The following IFT81 variants were observed in gnomAD, a reference collection of about 807,000 sequenced individuals.
IFT81 encodes intraflagellar transport 81, also known as intraflagellar transport protein 81 homolog.
Under a neutral mutation model 102.6 loss-of-function variants are expected in IFT81, and 72 were observed. The ratio of observed to expected loss-of-function variants is 0.70; its 90% CI spans 0.58 to 0.85. IFT81 has a LOEUF of 0.85. Ranked by LOEUF, IFT81 falls within the 40% of genes least tolerant of loss-of-function variation. IFT81 has a pLI of 0.00. For synonymous variants in IFT81, 237 were observed against 242.7 expected, an observed-to-expected ratio of 0.98 and a Z score of 0.22; for missense variants, 723 against 787.3, an observed-to-expected ratio of 0.92 and a Z score of 0.98.
chr12:110,133,383 G>A (rs1483812045), intron 5 of IFT81, among the ~76,000 whole-genome samples: 1 of 151,904 alleles, frequency 6.6e-6, no homozygotes, highest in East Asian at 1.9e-4. Flanking sequence ...AACACTTTGG[G>A]TGGCCGAGGC....
intron 11 of IFT81, 29 bp downstream of exon 11, chr12:110,163,094 G>A: frequency 6.3e-7 from 1 of 1,589,208 alleles, no homozygotes; most frequent in East Asian, 2.2e-5. Context: ...TGGGACAAGG[G>A]TATGAGTATT....
chr12:110,144,271 C>CA (rs1043485749), intron 9 of IFT81, among the ~76,000 whole-genome samples: 1 of 151,464 alleles, frequency 6.6e-6, no homozygotes, highest in Non-Finnish European at 1.5e-5. Context: ...GGCTGGAGTG[C>CA]AGTAGCGTGA....
chr12:110,137,176 C>G (rs1448099473), intron 8 of IFT81, among the ~76,000 whole-genome samples: 1 of 152,144 alleles, frequency 6.6e-6, no homozygotes, highest in African/African-American at 2.4e-5. Flanking sequence ...CCCATCTCTA[C>G]TAAACATACA....
chr12:110,157,699 C>T (rs963634551), intron 10 of IFT81, among the ~76,000 whole-genome samples: 1 of 152,194 alleles, frequency 6.6e-6, no homozygotes, highest in African/African-American at 2.4e-5. Context: ...CCCTTAGGCT[C>T]TGTTCACTTT....
intron 11 of IFT81, among the ~76,000 whole-genome samples, chr12:110,164,539 A>G (rs1455758582): frequency 1.3e-5 from 2 of 151,880 alleles, no homozygotes; most frequent in African/African-American, 4.8e-5. Context: ...TTTGGCTTTG[A>G]AAAGTTATTG....
chr12:110,217,563 G>T (rs1280580673), intron 18 of IFT81, among the ~76,000 whole-genome samples: 1 of 151,556 alleles, frequency 6.6e-6, no homozygotes, highest in Non-Finnish European at 1.5e-5. Flanking sequence ...GTTTGTTTTT[G>T]TTTTTTGTAT....
intron 8 of IFT81, among the ~76,000 whole-genome samples, chr12:110,141,096 C>T (rs1593290550): frequency 6.6e-6 from 1 of 152,056 alleles, no homozygotes; most frequent in South Asian, 2.1e-4. Context: ...ATGATCTTGG[C>T]TCACCGCAAC....
intron 8 of IFT81, among the ~76,000 whole-genome samples, chr12:110,138,325 C>T (rs1019893406): frequency 6.6e-6 from 1 of 151,978 alleles, no homozygotes; most frequent in African/African-American, 2.4e-5. Context: ...AAAAGGCTTA[C>T]AAAAGCTAAT....
chr12:110,161,609 ATTTT>A (rs1200318803), intron 10 of IFT81, among the ~76,000 whole-genome samples: 1 of 148,208 alleles, frequency 6.7e-6, no homozygotes. Context: ...ACACTCAGCT[ATTTT>A]TTTTTTATTA....
At chr12:110,134,158 G>C (rs571379814) in intron 5 of IFT81, among the ~76,000 whole-genome samples, 5 of 152,100 alleles carry the variant, frequency 3.3e-5, no homozygotes, top group Non-Finnish European at 7.4e-5. Flanking sequence ...TTGCCACCAC[G>C]CCTGGCTAGT....
chr12:110,164,854 G>A (rs912158417), intron 11 of IFT81, among the ~76,000 whole-genome samples: 2 of 152,100 alleles, frequency 1.3e-5, no homozygotes, highest in Admixed American at 6.5e-5. Flanking sequence ...TTATGCAGCA[G>A]TTTCGCTTTA....
chr12:110,218,389 G>T lies in IFT81; in HGVS notation c.*163G>T. Reference sequence around the variant, plus strand: ...AATAATGTTAAGGTAGATTTAGTTTGAATGTTTTTTCATATGAAAAAGAGG... The same window carrying T: ...AATAATGTTAAGGTAGATTTAGTTTTAATGTTTTTTCATATGAAAAAGAGG... On this transcript the variant is annotated 3_prime_UTR_variant, in exon 19 of 19. Coordinates refer to ENST00000242591, the MANE Select transcript of IFT81 (RefSeq NM_014055.4). 1 of 498,866 alleles carries T rather than the reference G, an allele frequency of 2.0e-6. No individual in the cohort carries two copies. Among genetic ancestry groups the T allele is most frequent in the Non-Finnish European group, 3.4e-6 (1 of 296,754 alleles). 30.9% of individuals were successfully genotyped at this position (498,866 alleles called of 1,614,324 possible). A position where few individuals can be genotyped will look rare whatever the true frequency, so the allele number is the denominator to read the frequency against.
intron 3 of IFT81, 23 bp from the exon 4 acceptor site, chr12:110,128,927 G>C (rs779460248): frequency 6.3e-7 from 1 of 1,596,306 alleles, no homozygotes; most frequent in Non-Finnish European, 8.6e-7. Flanking sequence ...GTGTGTGTTT[G>C]TGTATGTGTG....
At chr12:110,144,065 A>G (rs1375480722) in intron 9 of IFT81, among the ~76,000 whole-genome samples, 1 of 142,114 alleles carries the variant, frequency 7.0e-6, no homozygotes, top group South Asian at 2.2e-4. Flanking sequence ...GCTAGAGTAC[A>G]GTGGCACAAT....
At chr12:110,159,953 AC>A (rs1298334360) in intron 10 of IFT81, among the ~76,000 whole-genome samples, 1 of 152,218 alleles carries the variant, frequency 6.6e-6, no homozygotes, top group Non-Finnish European at 1.5e-5. Flanking sequence ...TCCAACAATT[AC>A]ACTGGTAGAA....
chr12:110,139,851 T>TAA (rs1566110383), intron 8 of IFT81, among the ~76,000 whole-genome samples: 16 of 119,054 alleles, frequency 1.3e-4, no homozygotes, highest in African/African-American at 6.4e-4. Context: ...ATAAAATAAA[T>TAA]AAAATAAAAT....
chr12:110,183,023 T>TA (rs1897373564), intron 12 of IFT81, among the ~76,000 whole-genome samples: 1 of 152,228 alleles, frequency 6.6e-6, no homozygotes, highest in African/African-American at 2.4e-5. Context: ...ACTGGGGCCT[T>TA]ACGTTTAAGA....
intron 12 of IFT81, among the ~76,000 whole-genome samples, chr12:110,183,787 G>C (rs1475026596): frequency 6.6e-6 from 1 of 152,160 alleles, no homozygotes; most frequent in Admixed American, 6.5e-5. Context: ...CTGCCCAGAG[G>C]ATACAGGATA....
rs1193945825 is a variant in IFT81, at chr12:110,209,946, CT to C, written c.1848+731del. Among the ~76,000 whole-genome samples, 3 of 152,106 alleles carry C rather than the reference CT, an allele frequency of 2.0e-5. No homozygotes were observed. The South Asian group carries it at 6.2e-4, about 32-fold the overall frequency. ...CTTGCTTGAGATGCTCAGCTCCCTC[CT>C]GCCAGAGTTATCTGATGGCAACTGA... On this transcript the variant is annotated intron_variant, in intron 18 of 18. Coordinates refer to ENST00000242591, the MANE Select transcript of IFT81 (RefSeq NM_014055.4).
Sources: allele counts gnomAD v4.1 joint callset (sites outside exome capture counted in the v4.1 genomes callset), GRCh38; gene constraint gnomAD v4.1.1; transcripts MANE v1.5; gene names NCBI Gene and HGNC (gene_info 2026-07-23, HGNC 2026-07-21).